The following TMPRSS6 variants were observed in gnomAD, a reference collection of about 807,000 sequenced individuals.
TMPRSS6 encodes transmembrane protease serine 6.
In TMPRSS6, 67 loss-of-function variants were observed where a neutral mutation model predicts 101.5. The observed-to-expected ratio is 0.66, with a 90% CI of 0.54 to 0.81. The LOEUF (loss-of-function observed/expected upper bound fraction) is 0.81, where lower values mean the gene tolerates loss of function less well. Ranked by LOEUF, TMPRSS6 falls within the 30% of genes least tolerant of loss-of-function variation. TMPRSS6 has a pLI of 0.00. For missense variants in TMPRSS6, 1,034 were observed against 1,088.7 expected, an observed-to-expected ratio of 0.95 and a Z score of 0.71; for synonymous variants, 453 against 464.9, an observed-to-expected ratio of 0.97 and a Z score of 0.33.
chr22:37,090,193 G>T (rs1032462294), intron 6 of TMPRSS6, among the ~76,000 whole-genome samples: 1 of 152,212 alleles, frequency 6.6e-6, no homozygotes, highest in African/African-American at 2.4e-5. Context: ...GGGGCGAGCC[G>T]GGCAGCTTTG....
In TMPRSS6 at chr22:37,075,140, G is replaced by C. The variant is rs146063847; in HGVS notation, c.1337C>G (p.Ser446Trp). The change falls in exon 11 of 18, where the codon TCG becomes TGG. Residue 446 changes from serine to tryptophan, a missense_variant. Ser to Trp is a radical substitution (Grantham distance 177). Coordinates refer to ENST00000676104, the MANE Select transcript of TMPRSS6 (RefSeq NM_001374504.1). Reference sequence around the variant, plus strand: ...CCCCGGCTGCCCATACTCACGGTCCGACTGGTTGTACAAGCCATAGTGCAC... The same window carrying C: ...CCCCGGCTGCCCATACTCACGGTCCCACTGGTTGTACAAGCCATAGTGCAC... ...VRVHYGLYNQ[S>W]DPCPGEFLCS... is the part of the protein sequence containing the mutation. 83 of 1,613,742 alleles carry C rather than the reference G, an allele frequency of 5.1e-5. No individual in the cohort carries two copies. The African/African-American group carries it at 1.0e-3, about 20-fold the overall frequency.
chr22:37,084,159 C>G, intron 10 of TMPRSS6, 136 bp downstream of exon 10: 1 of 792,716 alleles, frequency 1.3e-6, no homozygotes. Context: ...GACACCAGCC[C>G]CAGCCTCTGC....
chr22:37,099,343 G>A (rs1438612149), intron 2 of TMPRSS6, among the ~76,000 whole-genome samples: 1 of 152,256 alleles, frequency 6.6e-6, no homozygotes, highest in Non-Finnish European at 1.5e-5. Context: ...GGGGCGGCAA[G>A]GAGCTGGGGC....
rs732755 is a variant in TMPRSS6 at position 37,098,278 on chromosome 22, T to C, written c.336+138A>G. 0.19 allele frequency: 250,890 copies of C among 1,305,566 alleles called. 25,286 individuals are homozygous for C. Among genetic ancestry groups the C allele is most frequent in the Non-Finnish European group, 0.21 (189,644 of 903,078 alleles). 80.9% of individuals were successfully genotyped at this position (1,305,566 alleles called of 1,614,324 possible). A position where few individuals can be genotyped will look rare whatever the true frequency, so the allele number is the denominator to read the frequency against. Reference sequence around the variant, plus strand: ...CCCATGACCCTCAACCTCATCTGCTTCCATGGTGCCTGGAGCAGGGCTGTG... The same window carrying C: ...CCCATGACCCTCAACCTCATCTGCTCCCATGGTGCCTGGAGCAGGGCTGTG... On this transcript the variant is annotated intron_variant, in intron 3 of 17. Coordinates refer to ENST00000676104, the MANE Select transcript of TMPRSS6 (RefSeq NM_001374504.1).
rs1042551115 is a variant in TMPRSS6, at chr22:37,101,411, T to G, written c.202+1805A>C. On this transcript the variant is annotated intron_variant, in intron 2 of 17. Coordinates refer to ENST00000676104, the MANE Select transcript of TMPRSS6 (RefSeq NM_001374504.1). The surrounding 1 kb of genome is among the most constrained non-coding windows in gnomAD (Gnocchi z 4.1). ...GGTATTAAGGGTCCTGCTACCATCCTTAGGAAGCCAGCCACACCCTCTCCT... is the reference window on the plus strand; with the variant it reads ...GGTATTAAGGGTCCTGCTACCATCCGTAGGAAGCCAGCCACACCCTCTCCT... 1.3e-5 allele frequency among the ~76,000 whole-genome samples: 2 copies of G among 152,018 alleles called. No homozygotes were observed. The highest frequency in any genetic ancestry group is 4.8e-5 in the African/African-American group (2 of 41,344).
chr22:37,070,743 G>A (rs988218798), intron 14 of TMPRSS6, 91 bp from the exon 15 acceptor site: 2 of 1,447,784 alleles, frequency 1.4e-6, no homozygotes, highest in Non-Finnish European at 1.9e-6. Flanking sequence ...GAGATGGAGA[G>A]ACAGAGAACA....
intron 17 of TMPRSS6, 121 bp from the exon 18 acceptor site, chr22:37,066,359 G>A (rs1267910926): frequency 1.9e-6 from 2 of 1,061,622 alleles, no homozygotes; most frequent in Admixed American, 2.7e-5. Context: ...GTCACGTTCA[G>A]TCTTAAAGCT....
intron 8 of TMPRSS6, among the ~76,000 whole-genome samples, chr22:37,086,046 G>A (rs1928723388): frequency 6.6e-6 from 1 of 150,918 alleles, no homozygotes; most frequent in Non-Finnish European, 1.5e-5. Flanking sequence ...AGCGATGCCA[G>A]GAAGACAGAG....
chr22:37,094,323 G>A (rs917264073), intron 6 of TMPRSS6, among the ~76,000 whole-genome samples: 1 of 152,054 alleles, frequency 6.6e-6, no homozygotes, highest in Non-Finnish European at 1.5e-5. Flanking sequence ...CCTTAACCAG[G>A]TTTGTATCTA....
chr22:37,100,246 C>T (rs532688987), intron 2 of TMPRSS6, among the ~76,000 whole-genome samples: 18 of 152,352 alleles, frequency 1.2e-4, no homozygotes, highest in African/African-American at 4.1e-4. Context: ...GGATTACGGG[C>T]GTGAGCCACG....
chr22:37,093,384 C>CTTTTTTTTTTT (rs67659825), intron 6 of TMPRSS6, among the ~76,000 whole-genome samples: 26 of 82,544 alleles, frequency 3.1e-4, no homozygotes, highest in African/African-American at 5.2e-4. Flanking sequence ...TTCTTTCTTT[C>CTTTTTTTTTTT]TTTTTTTTTT....
Position 37,084,335 on chromosome 22 carries a change from A to T in TMPRSS6, c.1156T>A (p.Leu386Met). Residue 386 changes from leucine to methionine, a missense_variant, in exon 10 of 18, where the codon TTG becomes ATG. Leu to Met is a conservative substitution (Grantham distance 15). Coordinates refer to ENST00000676104, the MANE Select transcript of TMPRSS6 (RefSeq NM_001374504.1). ...GTCCACTGGCCCTGGGTGCACGGCA[A>T]ATCATACTTCTGCCTCCTCAGTGCA... ...AYALRRQKYD[L>M]PCTQGQWTIQ... is the part of the protein sequence containing the mutation. The T allele has an allele frequency of 6.2e-7, 1 of 1,613,782 alleles. No homozygotes were observed. The highest frequency in any genetic ancestry group is 8.5e-7 in the Non-Finnish European group (1 of 1,179,850).
At chr22:37,067,069 G>A in intron 16 of TMPRSS6, 107 bp from the exon 17 acceptor site, 1 of 1,533,704 alleles carries the variant, frequency 6.5e-7, no homozygotes. Flanking sequence ...CTTCTCTCCT[G>A]CTCTGCCCAC....
chr22:37,073,401 C>G (rs1274421882), intron 13 of TMPRSS6, 131 bp downstream of exon 13: 8 of 627,508 alleles, frequency 1.3e-5, no homozygotes, highest in Non-Finnish European at 2.3e-5. Flanking sequence ...GATGAATGGA[C>G]AGACATACAG....
At position 37,103,683 on chromosome 22, in the gene TMPRSS6, C is replaced by T. The variant is rs1194460966; in HGVS notation, c.-1-265G>A. ...CCACCTTTGCTTCCCACTGGCTTCCCTATGGTCAGAGGACAGACGGAGGTC... is the reference window on the plus strand; with the variant it reads ...CCACCTTTGCTTCCCACTGGCTTCCTTATGGTCAGAGGACAGACGGAGGTC... On this transcript the variant is annotated intron_variant, in intron 1 of 17. Transcript: ENST00000676104. This position sits in a 1 kb window ranked among gnomAD's most constrained non-coding sequence, Gnocchi z 4.4. 31 of 1,236,084 alleles carry T rather than the reference C, an allele frequency of 2.5e-5. No individual in the cohort carries two copies. In the East Asian group the frequency reaches 7.3e-4, roughly 29 times the overall value. The allele number at this position is 1,236,084 out of a possible 1,614,324, so 76.6% of individuals were successfully genotyped here.
intron 6 of TMPRSS6, among the ~76,000 whole-genome samples, chr22:37,094,596 T>A (rs1186291472): frequency 1.4e-5 from 2 of 139,862 alleles, no homozygotes; most frequent in African/African-American, 2.8e-5. Context: ...TTGCATTCTT[T>A]ACCATTCTAC....
chr22:37,084,198 G>A (rs1407853864), intron 10 of TMPRSS6, 97 bp downstream of exon 10: 1 of 1,070,286 alleles, frequency 9.3e-7, no homozygotes, highest in Non-Finnish European at 1.4e-6. Flanking sequence ...CTCTGAGATT[G>A]GGGACTTGGG....
intron 1 of TMPRSS6, among the ~76,000 whole-genome samples, chr22:37,106,398 TC>T (rs1461061198): frequency 3.3e-5 from 5 of 151,794 alleles, no homozygotes; most frequent in African/African-American, 1.2e-4. Flanking sequence ...TCCCCTCTCA[TC>T]CTCCAAGCCA....
Position 37,066,965 on chromosome 22 carries a change from G to A in TMPRSS6, c.2114-3C>T, listed in dbSNP as rs1170863538. Reference sequence around the variant, plus strand: ...CTGCAGAGCGTTGCTGATGGGGCCTGTCCGTGGTCAAGGGCAGAAGTGAGA... The same window carrying A: ...CTGCAGAGCGTTGCTGATGGGGCCTATCCGTGGTCAAGGGCAGAAGTGAGA... On this transcript the variant is annotated splice_polypyrimidine_tract_variant and splice_region_variant and intron_variant, in intron 16 of 17. Coordinates refer to ENST00000676104, the MANE Select transcript of TMPRSS6 (RefSeq NM_001374504.1). The A allele has an allele frequency of 6.2e-7, 1 of 1,614,154 alleles. No homozygotes were observed. Among genetic ancestry groups the A allele is most frequent in the Non-Finnish European group, 8.5e-7 (1 of 1,180,016 alleles).
Sources: allele counts gnomAD v4.1 joint callset (sites outside exome capture counted in the v4.1 genomes callset), GRCh38; gene constraint gnomAD v4.1.1; non-coding constraint Gnocchi (gnomAD v3.1); transcripts MANE v1.5; gene names NCBI Gene and HGNC (gene_info 2026-07-23, HGNC 2026-07-21).